Variants in CACNA2D2 observed in about 807,000 individuals in gnomAD.
CACNA2D2 encodes the protein calcium voltage-gated channel auxiliary subunit alpha2delta 2.
A neutral mutation model predicts 166.4 loss-of-function variants in CACNA2D2; 48 were observed. The ratio of observed to expected loss-of-function variants is 0.29; its 90% CI spans 0.23 to 0.37. The LOEUF (loss-of-function observed/expected upper bound fraction) is 0.37. Ranked by LOEUF, CACNA2D2 falls within the 10% of genes least tolerant of loss-of-function variation. The probability of loss-of-function intolerance (pLI) is 1.00; values close to 1 mark genes in which losing one functional copy is unlikely to be tolerated. For synonymous variants in CACNA2D2, 561 were observed against 573.7 expected (o/e 0.98, Z 0.32); for missense variants, 1,122 against 1,433.0 (o/e 0.78, Z 3.50).
intron 22 of CACNA2D2, 76 bp downstream of exon 22, chr3:50,374,661 G>C (rs928629433): frequency 1.8e-5 from 27 of 1,511,596 alleles, no homozygotes; most frequent in Non-Finnish European, 2.0e-5. Context: ...AGCGGCGCTG[G>C]CTATGCTGCC....
chr3:50,466,568 C>T (rs1422923324), intron 2 of CACNA2D2, among the ~76,000 whole-genome samples: 1 of 152,242 alleles, frequency 6.6e-6, no homozygotes, highest in African/African-American at 2.4e-5. Flanking sequence ...TTCACTTATT[C>T]TCTTCTCCGT....
At chr3:50,477,669 C>CA (rs1328089719) in intron 1 of CACNA2D2, among the ~76,000 whole-genome samples, 1 of 152,150 alleles carries the variant, frequency 6.6e-6, no homozygotes, top group Non-Finnish European at 1.5e-5. Context: ...GAAGGGCGCA[C>CA]AAAAAAGTTA....
At chr3:50,371,723 G>A (rs1396795965) in intron 22 of CACNA2D2, among the ~76,000 whole-genome samples, 1 of 152,120 alleles carries the variant, frequency 6.6e-6, no homozygotes, top group East Asian at 1.9e-4. Flanking sequence ...GGACTGTGAG[G>A]CAGGGTTTGG....
intron 13 of CACNA2D2, 103 bp downstream of exon 13, chr3:50,378,812 C>T (rs764628757): frequency 9.3e-5 from 127 of 1,368,244 alleles, no homozygotes; most frequent in Non-Finnish European, 1.1e-4. Flanking sequence ...TGTCTTGCAG[C>T]GGGTGAACAC....
chr3:50,390,226 G>A (rs891162719), intron 4 of CACNA2D2, among the ~76,000 whole-genome samples: 1 of 152,170 alleles, frequency 6.6e-6, no homozygotes, highest in African/African-American at 2.4e-5. Flanking sequence ...GACTGAGGCT[G>A]AGCCAAAAAG....
Position 50,455,951 on chromosome 3 carries a change from T to C in CACNA2D2, c.288+20167A>G, listed in dbSNP as rs743858. On this transcript the variant is annotated intron_variant, in intron 2 of 37. Transcript: ENST00000424201. ...CATCCAAGCTGTCCCCAGCTATGCATTGTCAACTTCTACCCATCCCAGGAT... is the reference window on the plus strand; with the variant it reads ...CATCCAAGCTGTCCCCAGCTATGCACTGTCAACTTCTACCCATCCCAGGAT... Among the ~76,000 whole-genome samples, 889 of 151,980 alleles carry C rather than the reference T, an allele frequency of 5.8e-3. 10 individuals are homozygous for C. Among genetic ancestry groups the C allele is most frequent in the African/African-American group, 0.019 (802 of 41,486 alleles).
intron 22 of CACNA2D2, among the ~76,000 whole-genome samples, chr3:50,373,848 T>G (rs587750288): frequency 7.8e-5 from 4 of 51,520 alleles, no homozygotes; most frequent in Admixed American, 2.5e-4. Flanking sequence ...TGAGGATGGA[T>G]GAGGAAAGAA....
chr3:50,462,458 CTG>C (rs1291316608), intron 2 of CACNA2D2, among the ~76,000 whole-genome samples: 1 of 150,280 alleles, frequency 6.7e-6, no homozygotes, highest in Non-Finnish European at 1.5e-5. Context: ...ACTAACAAAA[CTG>C]AGACAGTTTT....
At chr3:50,473,523 C>T (rs145281812) in intron 2 of CACNA2D2, among the ~76,000 whole-genome samples, 1 of 152,208 alleles carries the variant, frequency 6.6e-6, no homozygotes, top group Admixed American at 6.5e-5. Context: ...CACTGGGGGC[C>T]AAGGCTGTCA....
chr3:50,465,764 T>C (rs1709803025), intron 2 of CACNA2D2, among the ~76,000 whole-genome samples: 1 of 152,138 alleles, frequency 6.6e-6, no homozygotes, highest in Non-Finnish European at 1.5e-5. Context: ...AACTGGATTG[T>C]GACAAGCATC....
At chr3:50,454,826 A>T (rs1045898775) in intron 2 of CACNA2D2, among the ~76,000 whole-genome samples, 29 of 152,190 alleles carry the variant, frequency 1.9e-4, no homozygotes, top group Non-Finnish European at 3.4e-4. Context: ...GCTCAAACCC[A>T]CAGCCTATGG....
intron 3 of CACNA2D2, among the ~76,000 whole-genome samples, chr3:50,424,685 G>C (rs931778936): frequency 6.6e-6 from 1 of 152,162 alleles, no homozygotes; most frequent in Admixed American, 6.5e-5. Flanking sequence ...AACCTACTAC[G>C]ATGCCAGCAC....
Position 50,364,564 on chromosome 3 carries a change from G to A in CACNA2D2, c.*102C>T. The A allele has an allele frequency of 7.4e-7, 1 of 1,347,660 alleles. No homozygotes were observed. The highest frequency in any genetic ancestry group is 9.8e-7 in the Non-Finnish European group (1 of 1,018,154). 83.5% of individuals were successfully genotyped at this position (1,347,660 alleles called of 1,614,324 possible). ...GCCTGGCCAGCTCAGGTCCTTCAGT[G>A]AGGGAGGGACGAGGCTCTAAGGCGG... is the stretch of plus-strand genomic sequence containing the variant. On this transcript the variant is annotated 3_prime_UTR_variant, in exon 38 of 38. Coordinates refer to ENST00000424201, the MANE Select transcript of CACNA2D2 (RefSeq NM_006030.4).
At chr3:50,371,129 G>A (rs988079968) in intron 22 of CACNA2D2, among the ~76,000 whole-genome samples, 1 of 152,154 alleles carries the variant, frequency 6.6e-6, no homozygotes, top group Non-Finnish European at 1.5e-5. Flanking sequence ...GGAGCTGGAA[G>A]GAGGACAGGG....
chr3:50,405,056 A>G (rs895440364), intron 3 of CACNA2D2, among the ~76,000 whole-genome samples: 2 of 152,186 alleles, frequency 1.3e-5, no homozygotes, highest in Non-Finnish European at 2.9e-5. Flanking sequence ...CCTAAAACAC[A>G]GCCTAAGCGG....
chr3:50,453,926 G>A (rs1371479475), intron 2 of CACNA2D2, among the ~76,000 whole-genome samples: 1 of 152,130 alleles, frequency 6.6e-6, no homozygotes, highest in Non-Finnish European at 1.5e-5. Flanking sequence ...GAAGGTCACG[G>A]TGGACACGAC....
intron 2 of CACNA2D2, among the ~76,000 whole-genome samples, chr3:50,445,116 G>A (rs995266764): frequency 3.3e-5 from 5 of 152,236 alleles, no homozygotes; most frequent in African/African-American, 7.2e-5. Context: ...TCAAAAAGTG[G>A]TGTGTGGCCA....
rs1575597670 is a variant in CACNA2D2 at position 50,375,773 on chromosome 3, A to C, written c.1845+36T>G. The C allele has an allele frequency of 6.2e-7, 1 of 1,612,570 alleles. No homozygotes were observed. ...GGGGCGCTGGGGTAGAAGGGTGCCC[A>C]CCCTGACTCCCTGGCCCCCAGCCCT... On this transcript the variant is annotated intron_variant, in intron 20 of 37. Coordinates refer to ENST00000424201, the MANE Select transcript of CACNA2D2 (RefSeq NM_006030.4). The surrounding 1 kb of genome is among the most constrained non-coding windows in gnomAD (Gnocchi z 4.0).
chr3:50,502,557 C>G (rs550181526), intron 1 of CACNA2D2, among the ~76,000 whole-genome samples: 2 of 152,336 alleles, frequency 1.3e-5, no homozygotes, highest in East Asian at 3.9e-4. Flanking sequence ...CAGGCGCAGG[C>G]AGGGGTCCTT....
Sources: gnomAD v4.1 joint callset for allele counts (sites outside exome capture counted in the v4.1 genomes callset) on GRCh38, gnomAD v4.1.1 for gene constraint, Gnocchi (gnomAD v3.1) non-coding constraint, MANE v1.5 for transcripts, NCBI Gene and HGNC (gene_info 2026-07-23, HGNC 2026-07-21) for gene names.